Variants in ZFP69B observed in about 807,000 individuals in gnomAD.
The protein encoded by ZFP69B is ZFP69 zinc finger protein B.
ZFP69B carries 20 observed loss-of-function variants against 19.7 expected under a neutral mutation model. The observed-to-expected ratio is 1.02, with a 90% CI of 0.71 to 1.48. The LOEUF is 1.48. ZFP69B is among the 40% of genes most tolerant of loss of function. The pLI is 0.00. For synonymous variants in ZFP69B, 220 were observed against 222.7 expected (o/e 0.99, Z 0.11); for missense variants, 583 against 632.6 (o/e 0.92, Z 0.84).
intron 3 of ZFP69B, 75 bp from the exon 4 acceptor site, chr1:40,457,269 C>A (rs1201686087): frequency 8.4e-6 from 13 of 1,546,700 alleles, no homozygotes; most frequent in Non-Finnish European, 1.2e-5. Flanking sequence ...GGCCCGAATA[C>A]CAAAGAACCA....
rs553234327 is a variant in ZFP69B at position 40,460,206 on chromosome 1, C to T, written c.437-2215C>T. 2.0e-5 allele frequency among the ~76,000 whole-genome samples: 3 copies of T among 152,240 alleles called. No individual in the cohort carries two copies. In the East Asian group the frequency reaches 5.8e-4, roughly 29 times the overall value. On this transcript the variant is annotated intron_variant, in intron 4 of 4. Transcript: ENST00000361584. Reference sequence around the variant, plus strand: ...CCAATGAAATACTGACAGGAATATACAAGCATTTGTGTATAATGATGTACT... The same window carrying T: ...CCAATGAAATACTGACAGGAATATATAAGCATTTGTGTATAATGATGTACT...
intron 4 of ZFP69B, among the ~76,000 whole-genome samples, chr1:40,460,649 A>T (rs1645273925): frequency 2.6e-5 from 4 of 151,754 alleles, no homozygotes; most frequent in African/African-American, 9.7e-5. Context: ...GTTCAAGACC[A>T]GCCTGGCCAA....
rs753373241 is a variant in ZFP69B at position 40,463,253 on chromosome 1, A to G, written c.1269A>G (p.Val423=). 4.5e-5 allele frequency: 72 copies of G among 1,614,052 alleles called. No homozygotes were observed. Among genetic ancestry groups the G allele is most frequent in the Non-Finnish European group, 5.7e-5 (67 of 1,180,038 alleles). The part of the protein sequence containing the change: ...HTGVKPYICN[V]CSKTFSHSTY... Reference sequence around the variant, plus strand: ...GTGTGAAACCCTATATTTGTAATGTATGTAGTAAAACCTTCAGCCATAGTA... The same window carrying G: ...GTGTGAAACCCTATATTTGTAATGTGTGTAGTAAAACCTTCAGCCATAGTA... Residue 423 remains valine, a synonymous_variant, in exon 5 of 5, where the codon GTA becomes GTG. Transcript: ENST00000361584.
rs1006921279 is a variant in ZFP69B at position 40,450,800 on chromosome 1, T to C, written c.-162T>C. The C allele has an allele frequency of 4.2e-6, 3 of 707,228 alleles. No individual in the cohort carries two copies. Among genetic ancestry groups the C allele is most frequent in the Non-Finnish European group, 6.0e-6 (3 of 497,710 alleles). The allele number at this position is 707,228 out of a possible 1,614,324, so 43.8% of individuals were successfully genotyped here. On this transcript the variant is annotated 5_prime_UTR_variant, in exon 1 of 5. Coordinates refer to ENST00000361584, the MANE Select transcript of ZFP69B (RefSeq NM_023070.3). ...TCGGATTTTGATACTGTATGTTCCC[T>C]GGGTTCCTGAGAGAGGACATTGAGG...
At chr1:40,459,981 C>T (rs1324310834) in intron 4 of ZFP69B, among the ~76,000 whole-genome samples, 1 of 152,028 alleles carries the variant, frequency 6.6e-6, no homozygotes, top group Non-Finnish European at 1.5e-5. Flanking sequence ...GCCAGGTATA[C>T]AATGCATAAA....
chr1:40,457,892 C>T (rs1177762813), intron 4 of ZFP69B, among the ~76,000 whole-genome samples: 2 of 152,164 alleles, frequency 1.3e-5, no homozygotes, highest in Admixed American at 1.3e-4. Context: ...GTTTCAGTTG[C>T]AACTCTCTCA....
chr1:40,450,762 A>T lies in ZFP69B; in HGVS notation c.-200A>T, dbSNP rs993856477. 3 of 434,598 alleles carry T rather than the reference A, an allele frequency of 6.9e-6. No individual in the cohort carries two copies. In the South Asian group the frequency reaches 1.8e-4, roughly 27 times the overall value. The allele number at this position is 434,598 out of a possible 1,614,324, so 26.9% of individuals were successfully genotyped here. On this transcript the variant is annotated 5_prime_UTR_variant, in exon 1 of 5. Coordinates refer to ENST00000361584, the MANE Select transcript of ZFP69B (RefSeq NM_023070.3). The stretch of plus-strand genomic sequence containing the variant: ...TACGCCCTGAGAGCCGATGATAGAC[A>T]CAAGTCCAGATCTCGGATTTTGATA...
intron 2 of ZFP69B, 45 bp downstream of exon 2, chr1:40,454,333 T>C: frequency 7.1e-7 from 1 of 1,411,200 alleles, no homozygotes; most frequent in Non-Finnish European, 9.6e-7. Context: ...GTTTCTCAGA[T>C]TTTAAGAGCG....
chr1:40,452,218 C>T (rs1645193088), intron 1 of ZFP69B, among the ~76,000 whole-genome samples: 1 of 152,110 alleles, frequency 6.6e-6, no homozygotes, highest in Admixed American at 6.6e-5. Flanking sequence ...AACAGATACT[C>T]ACATGATATC....
intron 1 of ZFP69B, 66 bp downstream of exon 1, chr1:40,451,154 C>T: frequency 7.0e-7 from 1 of 1,422,922 alleles, no homozygotes; most frequent in Non-Finnish European, 9.3e-7. Context: ...AGGAATGAGT[C>T]ACTTGAGTGG....
Position 40,450,972 on chromosome 1 carries a change from A to G in ZFP69B, c.11A>G (p.Gln4Arg). Residue 4 changes from glutamine (Q) to arginine (R), a missense_variant, in exon 1 of 5, where the codon CAG becomes CGG. Gln to Arg is a conservative substitution (Grantham distance 43). Transcript: ENST00000361584. MLQ[Q>R]LLITLPTEAS... ...AGTGCGGACGCCGTCATGCTGCAGC[A>G]GCTCCTGATCACCCTGCCCACCGAG... is the stretch of plus-strand genomic sequence containing the variant. The G allele has an allele frequency of 6.5e-7, 1 of 1,549,346 alleles. No homozygotes were observed. Among genetic ancestry groups the G allele is most frequent in the Admixed American group, 2.0e-5 (1 of 50,718 alleles).
chr1:40,460,849 CGCAT>C (rs1162207508), intron 4 of ZFP69B, among the ~76,000 whole-genome samples: 1 of 151,738 alleles, frequency 6.6e-6, no homozygotes, highest in Non-Finnish European at 1.5e-5. Context: ...GGCATGGTGG[CGCAT>C]GCTTGTAGTC....
At position 40,458,314 on chromosome 1, in the gene ZFP69B, C is replaced by CTATT. The variant is rs199936000; in HGVS notation, c.436+876_436+877insATTT. Among the ~76,000 whole-genome samples, 1,418 of 152,190 alleles carry CTATT rather than the reference C, an allele frequency of 9.3e-3. 33 individuals are homozygous for CTATT. The highest frequency in any genetic ancestry group is 0.033 in the African/African-American group (1,366 of 41,538). ...CAACTAGTTTAATAATTTTTGTCTC[C>CTATT]TCTATTTCTCTCATTGCTTTTTCAG... On this transcript the variant is annotated intron_variant, in intron 4 of 4. Transcript: ENST00000361584.
chr1:40,462,915 G>T lies in ZFP69B; in HGVS notation c.931G>T (p.Glu311Ter), dbSNP rs148910082. The change falls in exon 5 of 5, where the codon GAA (glutamate) becomes TAA (stop). Residue 311 changes from glutamate to a stop codon, truncating the protein, a stop_gained. Transcript: ENST00000361584. LOFTEE classifies it low-confidence loss of function (END_TRUNC). ...CGGGGAGAAACCTTTCAGATGTAAG[G>T]AATGTGGAAAAGCCTTTAGCCAAAG... Reference protein sequence around the residue: ...HTGEKPFRCKECGKAFSQSSS... With the variant: ...HTGEKPFRCK 154 of 1,614,040 alleles carry T rather than the reference G, an allele frequency of 9.5e-5. No individual in the cohort carries two copies. The highest frequency in any genetic ancestry group is 1.2e-4 in the Non-Finnish European group (145 of 1,180,040).
At position 40,451,085 on chromosome 1, in the gene ZFP69B, G is replaced by T. The variant is rs1645181887; in HGVS notation, c.124G>T (p.Glu42Ter). The stretch of plus-strand genomic sequence containing the variant: ...GGATGTGACTAAGATGTTTAAAGCA[G>T]AAGGTAAGAATAAACTGATGGGTGG... ...WEDVTKMFKA[E>*]ALLSQDADET... Residue 42 changes from glutamate to a stop codon, truncating the protein, a stop_gained, in exon 1 of 5, where the codon GAA (glutamate) becomes TAA (stop). Transcript: ENST00000361584. LOFTEE classifies it high-confidence loss of function. The T allele has an allele frequency of 6.5e-7, 1 of 1,538,504 alleles. No homozygotes were observed. Among genetic ancestry groups the T allele is most frequent in the African/African-American group, 1.4e-5 (1 of 72,488 alleles).
In ZFP69B at chr1:40,454,523, C is replaced by T. The variant is rs1046539775; in HGVS notation, c.213+235C>T. Among the ~76,000 whole-genome samples, 166 of 152,112 alleles carry T rather than the reference C, an allele frequency of 1.1e-3. 2 individuals carry two copies. The highest frequency in any genetic ancestry group is 1.6e-3 in the Non-Finnish European group (106 of 68,016). ...ACGCCATTCTCCTGCCTCAGCCTCC[C>T]GAGTAGCTGGGACTACAGGTGCCCA... On this transcript the variant is annotated intron_variant, in intron 2 of 4. Transcript: ENST00000361584.
In ZFP69B at chr1:40,462,622, G is replaced by A; in HGVS notation, c.638G>A (p.Cys213Tyr). ...RMGKGQIPLM[C>Y]KKTFTQERGQ... The stretch of plus-strand genomic sequence containing the variant: ...GGTAAGGGGCAAATCCCCCTGATGT[G>A]CAAGAAAACATTCACTCAGGAGAGA... Residue 213 changes from cysteine to tyrosine, a missense_variant, in exon 5 of 5, where the codon TGC (cysteine) becomes TAC (tyrosine). Cys to Tyr is a radical substitution (Grantham distance 194). Coordinates refer to ENST00000361584, the MANE Select transcript of ZFP69B (RefSeq NM_023070.3). 1 of 1,613,920 alleles carries A rather than the reference G, an allele frequency of 6.2e-7. No homozygotes were observed. Among genetic ancestry groups the A allele is most frequent in the Non-Finnish European group, 8.5e-7 (1 of 1,179,956 alleles).
At chr1:40,453,711 A>T (rs1645206709) in intron 1 of ZFP69B, among the ~76,000 whole-genome samples, 1 of 152,022 alleles carries the variant, frequency 6.6e-6, no homozygotes, top group South Asian at 2.1e-4. Flanking sequence ...AGGATCTTGA[A>T]ATCTATGTTG....
At chr1:40,461,560 C>T (rs916749767) in intron 4 of ZFP69B, among the ~76,000 whole-genome samples, 5 of 151,918 alleles carry the variant, frequency 3.3e-5, no homozygotes, top group Admixed American at 1.3e-4. Flanking sequence ...TTTGGGAGGC[C>T]GAGGCAGGTG....
Sources: gnomAD v4.1 joint callset for allele counts (sites outside exome capture counted in the v4.1 genomes callset) on GRCh38, gnomAD v4.1.1 for gene constraint, MANE v1.5 for transcripts, NCBI Gene and HGNC (gene_info 2026-07-23, HGNC 2026-07-21) for gene names.